GRPEL1: variants seen among roughly 807,000 people sequenced by gnomAD.
The protein encoded by GRPEL1 is GrpE like 1, mitochondrial, also known as grpE protein homolog 1, mitochondrial.
In GRPEL1, 13 loss-of-function variants were observed where a neutral mutation model predicts 22.1. That is an observed-to-expected ratio of 0.59 (90% confidence interval 0.38 to 0.94). The LOEUF (loss-of-function observed/expected upper bound fraction) is 0.94. Ranked by LOEUF, GRPEL1 falls within the 40% of genes least tolerant of loss-of-function variation. The probability of loss-of-function intolerance (pLI) is 0.00; values close to 1 mark genes in which losing one functional copy is unlikely to be tolerated. For synonymous variants in GRPEL1, 109 were observed against 105.3 expected (o/e 1.03, Z -0.21); for missense variants, 289 against 264.6 (o/e 1.09, Z -0.64).
chr4:7,067,966 C>G lies in GRPEL1; in HGVS notation c.62+5G>C, dbSNP rs576133528. 1 of 1,613,314 alleles carries G rather than the reference C, an allele frequency of 6.2e-7. No individual in the cohort carries two copies. Among genetic ancestry groups the G allele is most frequent in the Admixed American group, 1.7e-5 (1 of 59,976 alleles). On this transcript the variant is annotated splice_donor_5th_base_variant and intron_variant, in intron 1 of 3. Coordinates refer to ENST00000264954, the MANE Select transcript of GRPEL1 (RefSeq NM_025196.4). Reference sequence around the variant, plus strand: ...CTCCACCCAGGGAGACCAAGTGCCCCTTACCTGAGAGACAACGCCAAAGCA... The same window carrying G: ...CTCCACCCAGGGAGACCAAGTGCCCGTTACCTGAGAGACAACGCCAAAGCA...
At position 7,060,822 on chromosome 4, in the gene GRPEL1, C is replaced by T. The variant is rs753589105; in HGVS notation, c.*40G>A. 3.7e-5 allele frequency: 56 copies of T among 1,513,152 alleles called. No homozygotes were observed. The highest frequency in any genetic ancestry group is 4.8e-5 in the Non-Finnish European group (53 of 1,105,650). 93.7% of individuals were successfully genotyped at this position (1,513,152 alleles called of 1,614,324 possible). ...AACAATGAACCAGCCTTGAGAGTTA[C>T]ATCAAGTGAGTTTAAAAACACCCAC... On this transcript the variant is annotated 3_prime_UTR_variant, in exon 4 of 4. Transcript: ENST00000264954.
Position 7,059,434 on chromosome 4 carries a change from C to A in GRPEL1, c.*1428G>T, listed in dbSNP as rs1723983237. ...CTCGGGAGCTCCAGGGGTGATGATG[C>A]ACTCACAACCCCACAGCGTGAAAAC... is the stretch of plus-strand genomic sequence containing the variant. On this transcript the variant is annotated 3_prime_UTR_variant, in exon 4 of 4. Coordinates refer to ENST00000264954, the MANE Select transcript of GRPEL1 (RefSeq NM_025196.4). The A allele has an allele frequency of 6.6e-6, 1 of 152,182 alleles. No homozygotes were observed. The highest frequency in any genetic ancestry group is 1.5e-5 in the Non-Finnish European group (1 of 68,038). 9.4% of individuals were successfully genotyped at this position (152,182 alleles called of 1,614,324 possible).
At chr4:7,067,903 G>T in intron 1 of GRPEL1, 68 bp downstream of exon 1, 1 of 1,520,080 alleles carries the variant, frequency 6.6e-7, no homozygotes, top group Non-Finnish European at 9.1e-7. Flanking sequence ...CCCGGGGCCG[G>T]GAAAGGCCCC....
chr4:7,062,218 C>G, intron 3 of GRPEL1, 167 bp downstream of exon 3: 1 of 410,984 alleles, frequency 2.4e-6, no homozygotes, highest in Admixed American at 3.6e-5. Flanking sequence ...TTCTGCTCCT[C>G]CAGACACCTT....
chr4:7,064,369 C>A (rs1724112051), intron 1 of GRPEL1, 146 bp from the exon 2 acceptor site: 2 of 724,222 alleles, frequency 2.8e-6, no homozygotes, highest in Non-Finnish European at 4.4e-6. Flanking sequence ...AATAAAGGCA[C>A]ACTGTACGTG....
chr4:7,062,243 C>T (rs1277234639), intron 3 of GRPEL1, 142 bp downstream of exon 3: 2 of 453,274 alleles, frequency 4.4e-6, no homozygotes, highest in East Asian at 3.7e-5. Flanking sequence ...GTTGAGCCAT[C>T]ATAAAAAAAA....
chr4:7,060,493 G>A lies in GRPEL1; in HGVS notation c.*369C>T, dbSNP rs1295563117. ...CACTCATGCGCCGCAGGGACACATG[G>A]TGCAGACTGGCGTGCCCAGGTAGCC... On this transcript the variant is annotated 3_prime_UTR_variant, in exon 4 of 4. Transcript: ENST00000264954. The A allele has an allele frequency of 4.4e-6, 1 of 225,690 alleles. No homozygotes were observed. The highest frequency in any genetic ancestry group is 8.8e-6 in the Non-Finnish European group (1 of 113,760). The allele number at this position is 225,690 out of a possible 1,614,324, so 14.0% of individuals were successfully genotyped here.
intron 1 of GRPEL1, among the ~76,000 whole-genome samples, chr4:7,066,452 C>G (rs1008432610): frequency 5.9e-5 from 9 of 152,170 alleles, no homozygotes; most frequent in Non-Finnish European, 8.8e-5. Context: ...TAAAGACAAA[C>G]TAGAAATCCT....
At chr4:7,065,075 A>C (rs763447277) in intron 1 of GRPEL1, among the ~76,000 whole-genome samples, 4 of 152,234 alleles carry the variant, frequency 2.6e-5, no homozygotes, top group Non-Finnish European at 5.9e-5. Context: ...TGACTGAGAC[A>C]GTCTGCCCAG....
chr4:7,063,092 G>A (rs1241035592), intron 2 of GRPEL1, among the ~76,000 whole-genome samples: 1 of 150,216 alleles, frequency 6.7e-6, no homozygotes, highest in Non-Finnish European at 1.5e-5. Context: ...TCACTCATCT[G>A]AGCCTTTTTT....
intron 2 of GRPEL1, among the ~76,000 whole-genome samples, chr4:7,063,110 T>C (rs1724084233): frequency 6.6e-6 from 1 of 151,682 alleles, no homozygotes; most frequent in African/African-American, 2.4e-5. Context: ...TTTTTTTTTT[T>C]CTGAGACAGG....
At chr4:7,063,670 T>A (rs1391470093) in intron 2 of GRPEL1, among the ~76,000 whole-genome samples, 1 of 152,234 alleles carries the variant, frequency 6.6e-6, no homozygotes, top group Non-Finnish European at 1.5e-5. Context: ...ATGTTACTAG[T>A]TCATAAAACT....
intron 2 of GRPEL1, among the ~76,000 whole-genome samples, chr4:7,062,723 AG>A (rs1560400323): frequency 6.6e-6 from 1 of 152,016 alleles, no homozygotes; most frequent in East Asian, 1.9e-4. Flanking sequence ...CGTGTTAGCC[AG>A]GATGGTCTCC....
chr4:7,062,490 T>TA lies in GRPEL1; in HGVS notation c.226-25_226-24insT, dbSNP rs1553880300. The TA allele has an allele frequency of 4.7e-3, 2,930 of 617,240 alleles. 99 individuals carry two copies. The African/African-American group carries it at 0.072, about 15-fold the overall frequency. 38.2% of individuals were successfully genotyped at this position (617,240 alleles called of 1,614,324 possible). On this transcript the variant is annotated intron_variant, in intron 2 of 3. Coordinates refer to ENST00000264954, the MANE Select transcript of GRPEL1 (RefSeq NM_025196.4). ...TCCTAAAAGAGAAAAAAAGGGATAT[T>TA]TATATATATATATATATATATATAT...
intron 1 of GRPEL1, among the ~76,000 whole-genome samples, chr4:7,065,087 C>T (rs1375452441): frequency 6.6e-6 from 1 of 152,198 alleles, no homozygotes; most frequent in Non-Finnish European, 1.5e-5. Context: ...TCTGCCCAGA[C>T]CTAACCACGT....
At chr4:7,063,225 G>C in intron 2 of GRPEL1, among the ~76,000 whole-genome samples, 1 of 151,840 alleles carries the variant, frequency 6.6e-6, no homozygotes, top group East Asian at 1.9e-4. Context: ...GGGTTGCTGG[G>C]ACTACAGGAG....
intron 1 of GRPEL1, among the ~76,000 whole-genome samples, chr4:7,066,771 G>C (rs539050897): frequency 6.6e-6 from 1 of 152,288 alleles, no homozygotes; most frequent in East Asian, 1.9e-4. Context: ...GGGCCATCTC[G>C]TTCTGCAGAG....
rs2108794423 is a variant in GRPEL1 at position 7,068,028 on chromosome 4, G to A, written c.5C>T (p.Ala2Val). Residue 2 changes from alanine to valine, a missense_variant, in exon 1 of 4, where the codon GCG becomes GTG. Ala to Val is a moderately conservative substitution (Grantham distance 64, BLOSUM62 0). Transcript: ENST00000264954. MAAQCVRLARRS... is the reference protein window; with the variant it reads MVAQCVRLARRS... ...CCGCGCCAACCTCACGCACTGAGCC[G>A]CCATGACTGCCACTGCCCGTCGCAG... 5 of 1,612,624 alleles carry A rather than the reference G, an allele frequency of 3.1e-6. No homozygotes were observed. Among genetic ancestry groups the A allele is most frequent in the Admixed American group, 1.7e-5 (1 of 59,940 alleles).
At chr4:7,067,893 C>G in intron 1 of GRPEL1, 78 bp downstream of exon 1, 1 of 1,469,900 alleles carries the variant, frequency 6.8e-7, no homozygotes, top group Non-Finnish European at 9.4e-7. Flanking sequence ...GGAAGGAGGC[C>G]CCGGGGCCGG....
Sources: allele counts gnomAD v4.1 joint callset (sites outside exome capture counted in the v4.1 genomes callset), GRCh38; gene constraint gnomAD v4.1.1; transcripts MANE v1.5; gene names NCBI Gene and HGNC (gene_info 2026-07-23, HGNC 2026-07-21).